Variants in ANGPT1 observed in about 807,000 individuals in gnomAD.
ANGPT1 encodes angiopoietin-1.
Under a neutral mutation model 62.2 loss-of-function variants are expected in ANGPT1, and 17 were observed. The observed-to-expected ratio is 0.27, with a 90% confidence interval of 0.19 to 0.41. The LOEUF (loss-of-function observed/expected upper bound fraction) is 0.41, where lower values mean the gene tolerates loss of function less well. Among genes scored for constraint, ANGPT1 ranks in the 10% least tolerant of loss-of-function variants. The probability of loss-of-function intolerance (pLI) is 1.00; values close to 1 mark genes in which losing one functional copy is unlikely to be tolerated. For synonymous variants in ANGPT1, 199 were observed against 198.9 expected (o/e 1.00, Z 0.00); for missense variants, 478 against 594.9 (o/e 0.80, Z 2.04).
At chr8:107,469,801 A>G (rs1420780584) in intron 1 of ANGPT1, among the ~76,000 whole-genome samples, 1 of 152,066 alleles carries the variant, frequency 6.6e-6, no homozygotes, top group Non-Finnish European at 1.5e-5. Context: ...TTAAAATTGT[A>G]CTTCATAAGC....
At chr8:107,484,082 T>C (rs1457171617) in intron 1 of ANGPT1, among the ~76,000 whole-genome samples, 4 of 152,196 alleles carry the variant, frequency 2.6e-5, no homozygotes, top group African/African-American at 9.7e-5. Context: ...CTCCAAAAAC[T>C]TACAAGACAT....
intron 1 of ANGPT1, among the ~76,000 whole-genome samples, chr8:107,386,645 C>A (rs748454745): frequency 3.3e-5 from 5 of 152,052 alleles, no homozygotes; most frequent in Admixed American, 1.3e-4. Context: ...GAATCTTACT[C>A]AAACACTTAA....
At chr8:107,472,452 A>G (rs1208149761) in intron 1 of ANGPT1, among the ~76,000 whole-genome samples, 1 of 152,126 alleles carries the variant, frequency 6.6e-6, no homozygotes, top group Non-Finnish European at 1.5e-5. Flanking sequence ...TATTTGAAGA[A>G]GGGAATCTTA....
At chr8:107,354,816 C>T (rs1283652) in intron 1 of ANGPT1, among the ~76,000 whole-genome samples, 124,107 of 152,092 alleles carry the variant, frequency 0.82, 50,905 homozygotes, top group East Asian at 0.99. Flanking sequence ...TCACAGTGAA[C>T]GGCACCATTA....
In ANGPT1 at chr8:107,492,399, G is replaced by T. The variant is rs113685143; in HGVS notation, c.297+4863C>A. 2.3e-3 allele frequency among the ~76,000 whole-genome samples: 356 copies of T among 152,140 alleles called. 3 individuals are homozygous for T. Among genetic ancestry groups the T allele is most frequent in the South Asian group, 0.012 (58 of 4,810 alleles). ...CATTCAGGCTGGAGTGCAGTGGTGC[G>T]ATATCAGCTCACTGCAACCTCCGCC... On this transcript the variant is annotated intron_variant, in intron 1 of 8. Coordinates refer to ENST00000517746, the MANE Select transcript of ANGPT1 (RefSeq NM_001146.5).
chr8:107,453,250 G>A (rs896438168), intron 1 of ANGPT1, among the ~76,000 whole-genome samples: 1 of 152,022 alleles, frequency 6.6e-6, no homozygotes, highest in African/African-American at 2.4e-5. Context: ...AACAATTAAA[G>A]AATATTCATT....
chr8:107,419,311 G>C (rs1440335754), intron 1 of ANGPT1, among the ~76,000 whole-genome samples: 1 of 152,138 alleles, frequency 6.6e-6, no homozygotes, highest in African/African-American at 2.4e-5. Flanking sequence ...TTTCTCTGAA[G>C]TAGGTCATAA....
At chr8:107,255,306 G>T (rs886240507) in intron 8 of ANGPT1, among the ~76,000 whole-genome samples, 1 of 152,166 alleles carries the variant, frequency 6.6e-6, no homozygotes, top group Non-Finnish European at 1.5e-5. Context: ...CTGTACTCTG[G>T]AAGACCAGGG....
chr8:107,336,215 G>A lies in ANGPT1; in HGVS notation c.510C>T (p.Thr170=), dbSNP rs1459509123. 1.9e-6 allele frequency: 3 copies of A among 1,608,874 alleles called. No homozygotes were observed. The highest frequency in any genetic ancestry group is 1.3e-5 in the African/African-American group (1 of 74,552). ...EIQLLENSLS[T]YKLEKQLLQQ... ...GAAGAAGTTGCTTCTCTAGCTTGTA[G>A]GTGGATAATGAATTCTCCAGCAGCT... Residue 170 remains threonine (T), a synonymous_variant, in exon 3 of 9, where the codon ACC becomes ACT. Coordinates refer to ENST00000517746, the MANE Select transcript of ANGPT1 (RefSeq NM_001146.5).
chr8:107,367,074 C>A (rs189594962), intron 1 of ANGPT1, among the ~76,000 whole-genome samples: 192 of 152,224 alleles, frequency 1.3e-3, no homozygotes, highest in African/African-American at 4.4e-3. Context: ...TAAGCCATCC[C>A]CAGATCCCGA....
intron 1 of ANGPT1, among the ~76,000 whole-genome samples, chr8:107,462,876 C>T (rs1261367410): frequency 2.6e-5 from 4 of 151,952 alleles, no homozygotes; most frequent in African/African-American, 9.7e-5. Context: ...AAATTGAGTG[C>T]CAAAAGTTAA....
intron 1 of ANGPT1, among the ~76,000 whole-genome samples, chr8:107,356,682 T>C (rs1413823435): frequency 1.3e-5 from 2 of 152,222 alleles, no homozygotes; most frequent in Non-Finnish European, 2.9e-5. Context: ...GGGAAGACTT[T>C]GAGAGCATGC....
At chr8:107,454,194 G>A (rs755831053) in intron 1 of ANGPT1, among the ~76,000 whole-genome samples, 18 of 152,034 alleles carry the variant, frequency 1.2e-4, no homozygotes, top group Admixed American at 2.6e-4. Flanking sequence ...AGTGCATGGC[G>A]TGTTACATAA....
At chr8:107,323,292 C>A (rs1326463891) in intron 3 of ANGPT1, among the ~76,000 whole-genome samples, 8 of 152,108 alleles carry the variant, frequency 5.3e-5, no homozygotes, top group Admixed American at 5.2e-4. Context: ...ACTCGGTTTT[C>A]TCAGTTCTGT....
intron 1 of ANGPT1, among the ~76,000 whole-genome samples, chr8:107,397,479 T>TA (rs1300426928): frequency 6.6e-6 from 1 of 152,062 alleles, no homozygotes; most frequent in Non-Finnish European, 1.5e-5. Flanking sequence ...TCCATCCTTA[T>TA]ATAAGTCACA....
chr8:107,358,188 T>A (rs765879418), intron 1 of ANGPT1, among the ~76,000 whole-genome samples: 4 of 152,200 alleles, frequency 2.6e-5, no homozygotes, highest in Admixed American at 2.6e-4. Flanking sequence ...TGTCATTGTA[T>A]AATAAACATT....
chr8:107,454,843 T>C (rs1229897675), intron 1 of ANGPT1, among the ~76,000 whole-genome samples: 1 of 152,056 alleles, frequency 6.6e-6, no homozygotes, highest in Non-Finnish European at 1.5e-5. Flanking sequence ...GTAAAATACC[T>C]TAGTATGCTC....
chr8:107,269,523 G>A (rs956426917), intron 7 of ANGPT1, among the ~76,000 whole-genome samples: 1 of 152,054 alleles, frequency 6.6e-6, no homozygotes, highest in African/African-American at 2.4e-5. Context: ...TACCGTGACA[G>A]TGAATTGGAA....
At chr8:107,345,169 T>C (rs2130152458) in intron 2 of ANGPT1, among the ~76,000 whole-genome samples, 1 of 152,328 alleles carries the variant, frequency 6.6e-6, no homozygotes, top group South Asian at 2.1e-4. Flanking sequence ...TTGTGATTTT[T>C]GAAATGTTTT....
Sources: gnomAD v4.1 joint callset for allele counts (sites outside exome capture counted in the v4.1 genomes callset) on GRCh38, gnomAD v4.1.1 for gene constraint, MANE v1.5 for transcripts, NCBI Gene and HGNC (gene_info 2026-07-23, HGNC 2026-07-21) for gene names.